The following RNF122 variants were observed in gnomAD, a reference collection of about 807,000 sequenced individuals.
RNF122 encodes ring finger protein 122.
In RNF122, 17 loss-of-function variants were observed where a neutral mutation model predicts 24.2. The observed-to-expected ratio is 0.70, with a 90% CI of 0.48 to 1.06. RNF122 has a LOEUF of 1.06. Among genes scored for constraint, RNF122 ranks in the 50% least tolerant of loss-of-function variants. The pLI, the probability that RNF122 is intolerant of heterozygous loss-of-function variation, is 0.00. For synonymous variants in RNF122, 65 were observed against 71.8 expected (o/e 0.91, Z 0.48); for missense variants, 168 against 198.1 (o/e 0.85, Z 0.91).
chr8:33,549,349 C>CT (rs1421494748), intron 5 of RNF122, 61 bp downstream of exon 5: 2 of 1,380,564 alleles, frequency 1.4e-6, no homozygotes, highest in Non-Finnish European at 2.1e-6. Context: ...CTGGAAGTTT[C>CT]CAGAAGATGC....
In RNF122 at chr8:33,548,682, G is replaced by T; in HGVS notation, c.*71C>A. On this transcript the variant is annotated 3_prime_UTR_variant, in exon 6 of 6. Coordinates refer to ENST00000256257, the MANE Select transcript of RNF122 (RefSeq NM_024787.3). ...TCATCACCCTACAGTCCTGTTGGTT[G>T]GAGCTGTGCAGAGGGACCAGACATC... 2 of 929,882 alleles carry T rather than the reference G, an allele frequency of 2.2e-6. No individual in the cohort carries two copies. Among genetic ancestry groups the T allele is most frequent in the Non-Finnish European group, 3.6e-6 (2 of 561,870 alleles). 57.6% of individuals were successfully genotyped at this position (929,882 alleles called of 1,614,324 possible). A position where few individuals can be genotyped will look rare whatever the true frequency, so the allele number is the denominator to read the frequency against.
intron 1 of RNF122, among the ~76,000 whole-genome samples, chr8:33,563,812 C>T (rs566900883): frequency 2.0e-5 from 3 of 152,286 alleles, no homozygotes; most frequent in African/African-American, 7.2e-5. Context: ...TGAGCTGAAA[C>T]CTCCTTTGGT....
intron 1 of RNF122, among the ~76,000 whole-genome samples, chr8:33,559,814 T>C (rs1489833946): frequency 6.7e-6 from 1 of 150,242 alleles, no homozygotes; most frequent in South Asian, 2.1e-4. Context: ...GGTCCATCCC[T>C]GCCTAACTGA....
intron 2 of RNF122, among the ~76,000 whole-genome samples, chr8:33,554,111 C>T (rs190267119): frequency 6.6e-6 from 1 of 152,296 alleles, no homozygotes; most frequent in Admixed American, 6.5e-5. Flanking sequence ...ATACCCAACG[C>T]TTAGGTGGCT....
chr8:33,555,850 T>C (rs1342954814), intron 2 of RNF122, among the ~76,000 whole-genome samples: 1 of 152,138 alleles, frequency 6.6e-6, no homozygotes, highest in Non-Finnish European at 1.5e-5. Context: ...CCACAATGCC[T>C]GGCCTATGGA....
At chr8:33,560,902 G>A (rs1320040044) in intron 1 of RNF122, among the ~76,000 whole-genome samples, 1 of 152,006 alleles carries the variant, frequency 6.6e-6, no homozygotes, top group East Asian at 1.9e-4. Context: ...CTGTATTCCA[G>A]CCTTGGAGAC....
rs917531496 is a variant in RNF122, at chr8:33,549,414, G to A, written c.349C>T (p.Arg117Cys). 3.1e-6 allele frequency: 5 copies of A among 1,613,262 alleles called. No individual in the cohort carries two copies. Among genetic ancestry groups the A allele is most frequent in the East Asian group, 2.2e-5 (1 of 44,868 alleles). Reference sequence around the variant, plus strand: ...CCTGGACACATTCCCACGTACTTGCGGTGAAAGGCGTGTTGGCACGGGAGC... The same window carrying A: ...CCTGGACACATTCCCACGTACTTGCAGTGAAAGGCGTGTTGGCACGGGAGC... ...GVLPCQHAFH[R>C]KCLVKWLEVR... Residue 117 changes from arginine (R) to cysteine (C), a missense_variant, in exon 5 of 6, where the codon CGC becomes TGC. By Grantham distance (180) the Arg-to-Cys change is radical. Coordinates refer to ENST00000256257, the MANE Select transcript of RNF122 (RefSeq NM_024787.3).
intron 1 of RNF122, among the ~76,000 whole-genome samples, chr8:33,565,701 G>A: frequency 6.6e-6 from 1 of 152,238 alleles, no homozygotes; most frequent in East Asian, 1.9e-4. Context: ...AATGGGGCGA[G>A]GGGTTGTCGC....
chr8:33,565,112 G>C (rs544861574), intron 1 of RNF122, among the ~76,000 whole-genome samples: 2 of 152,248 alleles, frequency 1.3e-5, no homozygotes, highest in East Asian at 3.9e-4. Context: ...AGGGGATCTG[G>C]GAACTGCTTC....
intron 1 of RNF122, among the ~76,000 whole-genome samples, chr8:33,560,937 A>G (rs1192139820): frequency 2.0e-5 from 3 of 152,076 alleles, no homozygotes; most frequent in African/African-American, 7.2e-5. Flanking sequence ...TCTAAAAACA[A>G]AAACAAAAAC....
At chr8:33,565,698 C>T (rs1480382010) in intron 1 of RNF122, among the ~76,000 whole-genome samples, 1 of 152,146 alleles carries the variant, frequency 6.6e-6, no homozygotes, top group African/African-American at 2.4e-5. Flanking sequence ...AGAAATGGGG[C>T]GAGGGGTTGT....
At chr8:33,552,900 T>C (rs1230424474) in intron 2 of RNF122, among the ~76,000 whole-genome samples, 1 of 151,082 alleles carries the variant, frequency 6.6e-6, no homozygotes, top group Non-Finnish European at 1.5e-5. Context: ...CTCTACAAAA[T>C]GTACAAAAAT....
At chr8:33,552,495 A>G (rs993815103) in intron 2 of RNF122, among the ~76,000 whole-genome samples, 4 of 152,248 alleles carry the variant, frequency 2.6e-5, no homozygotes, top group African/African-American at 9.6e-5. Flanking sequence ...AGCAGAGTCT[A>G]GATTTGAATC....
chr8:33,566,558 C>A (rs1810627114), intron 1 of RNF122, 141 bp downstream of exon 1: 1 of 832,340 alleles, frequency 1.2e-6, no homozygotes. Context: ...GAGTGGGGCG[C>A]CAAGACGCCT....
At chr8:33,564,873 A>AAAAAAAT (rs1156426188) in intron 1 of RNF122, among the ~76,000 whole-genome samples, 6 of 152,112 alleles carry the variant, frequency 3.9e-5, no homozygotes, top group Admixed American at 6.5e-5. Flanking sequence ...ACTCAGTCTC[A>AAAAAAAT]AAAAAATAAA....
At chr8:33,550,526 T>C (rs1297913684) in intron 4 of RNF122, among the ~76,000 whole-genome samples, 1 of 151,718 alleles carries the variant, frequency 6.6e-6, no homozygotes, top group Non-Finnish European at 1.5e-5. Flanking sequence ...AGGATATGAC[T>C]AATTCCTCAA....
At position 33,548,565 on chromosome 8, in the gene RNF122, G is replaced by A; in HGVS notation, c.*188C>T. On this transcript the variant is annotated 3_prime_UTR_variant, in exon 6 of 6. Coordinates refer to ENST00000256257, the MANE Select transcript of RNF122 (RefSeq NM_024787.3). ...AGTAGCAGGGAAGAAGGCTTCAGGA[G>A]GCAGGAAGTGGGGGCACATCTGGCA... is the stretch of plus-strand genomic sequence containing the variant. 1 of 526,330 alleles carries A rather than the reference G, an allele frequency of 1.9e-6. No homozygotes were observed. The highest frequency in any genetic ancestry group is 3.4e-6 in the Non-Finnish European group (1 of 290,828). The allele number at this position is 526,330 out of a possible 1,614,324, so 32.6% of individuals were successfully genotyped here. A position where few individuals can be genotyped will look rare whatever the true frequency, so the allele number is the denominator to read the frequency against.
At chr8:33,557,820 C>A (rs1810478389) in intron 2 of RNF122, among the ~76,000 whole-genome samples, 4 of 151,940 alleles carry the variant, frequency 2.6e-5, no homozygotes, top group Admixed American at 2.6e-4. Flanking sequence ...TTTCCACTCT[C>A]AAAAATAAGA....
intron 1 of RNF122, among the ~76,000 whole-genome samples, chr8:33,558,989 A>G (rs1810498696): frequency 6.6e-6 from 1 of 152,116 alleles, no homozygotes; most frequent in Non-Finnish European, 1.5e-5. Flanking sequence ...ACTTAAAACA[A>G]TATCCCCATC....
Sources: allele counts gnomAD v4.1 joint callset (sites outside exome capture counted in the v4.1 genomes callset), GRCh38; gene constraint gnomAD v4.1.1; transcripts MANE v1.5; gene names NCBI Gene and HGNC (gene_info 2026-07-23, HGNC 2026-07-21).